The following ADD2 variants were observed in gnomAD, a reference collection of about 807,000 sequenced individuals.
ADD2 encodes the protein beta-adducin.
Under a neutral mutation model 83.0 loss-of-function variants are expected in ADD2, and 23 were observed. The ratio of observed to expected loss-of-function variants is 0.28; its 90% CI spans 0.20 to 0.39. The LOEUF is 0.39. Ranked by LOEUF, ADD2 falls within the 10% of genes least tolerant of loss-of-function variation. The pLI, the probability that ADD2 is intolerant of heterozygous loss-of-function variation, is 1.00. For missense variants in ADD2, 758 were observed against 944.9 expected (o/e 0.80, Z 2.59); for synonymous variants, 375 against 375.4 (o/e 1.00, Z 0.01).
rs1375300166 is a variant in ADD2, at chr2:70,704,578, G to T, written c.184-119C>A. The T allele has an allele frequency of 4.1e-6, 5 of 1,225,256 alleles. No individual in the cohort carries two copies. In the East Asian group the frequency reaches 1.2e-4, roughly 30 times the overall value. 75.9% of individuals were successfully genotyped at this position (1,225,256 alleles called of 1,614,324 possible). ...TCAGCTAGGTCAGGGCCATGCTCAG[G>T]GTCCCCAGCTACAGGGGACACTGAG... On this transcript the variant is annotated intron_variant, in intron 3 of 15. Transcript: ENST00000264436.
rs1172325402 is a variant in ADD2, at chr2:70,658,799, T to G, written c.*4626A>C. 1.7e-4 allele frequency: 26 copies of G among 152,160 alleles called. No individual in the cohort carries two copies. Among genetic ancestry groups the G allele is most frequent in the African/African-American group, 5.1e-4 (21 of 41,430 alleles). The allele number at this position is 152,160 out of a possible 1,614,324, so 9.4% of individuals were successfully genotyped here. On this transcript the variant is annotated 3_prime_UTR_variant, in exon 16 of 16. Transcript: ENST00000264436. ...AAATGTTCTCTCATTTGTTCACTAG[T>G]CAAGAACTGATTACCCTTGTCCCAA...
chr2:70,691,055 G>GGGT, intron 7 of ADD2, 126 bp from the exon 8 acceptor site: 3 of 1,202,628 alleles, frequency 2.5e-6, no homozygotes, highest in Non-Finnish European at 3.3e-6. Flanking sequence ...GTGAGGTTGG[G>GGGT]GAGCAGGCAC....
At chr2:70,686,561 G>A (rs1670735772) in intron 9 of ADD2, among the ~76,000 whole-genome samples, 1 of 152,164 alleles carries the variant, frequency 6.6e-6, no homozygotes, top group Non-Finnish European at 1.5e-5. Context: ...AGCTGTCTTT[G>A]CAGAGATGAT....
intron 1 of ADD2, chr2:70,767,468 C>T (rs570562504): frequency 3.7e-6 from 1 of 267,352 alleles, no homozygotes; most frequent in Non-Finnish European, 5.9e-6. Context: ...CGCCTCGCAC[C>T]GCTACCCCGG....
At chr2:70,668,424 G>A (rs1166724319) in intron 15 of ADD2, among the ~76,000 whole-genome samples, 4 of 152,214 alleles carry the variant, frequency 2.6e-5, no homozygotes, top group African/African-American at 9.6e-5. Flanking sequence ...ATTGGACAAT[G>A]AGCTCGCCTT....
In ADD2 at chr2:70,683,648, C is replaced by A; in HGVS notation, c.1068G>T (p.Gln356His). Residue 356 changes from glutamine to histidine, a missense_variant, in exon 10 of 16, where the codon CAG (glutamine) becomes CAT (histidine). This residue lies in a region of ADD2 where 394 missense variants were observed against 509.3 expected (regional missense o/e 0.77). Transcript: ENST00000264436. ...ACTCATGCTCCCCCAGCCGACTCTT[C>A]TGCATAGGCCCAAAGGTGCTCCCGG... ...QWAGSTFGPM[Q>H]KSRLGEHEFE... is the part of the protein sequence containing the mutation. The A allele has an allele frequency of 1.2e-6, 2 of 1,614,130 alleles. No individual in the cohort carries two copies. Among genetic ancestry groups the A allele is most frequent in the Non-Finnish European group, 1.7e-6 (2 of 1,179,980 alleles).
At chr2:70,756,872 A>C (rs971773904) in intron 1 of ADD2, among the ~76,000 whole-genome samples, 1 of 152,204 alleles carries the variant, frequency 6.6e-6, no homozygotes, top group Non-Finnish European at 1.5e-5. Context: ...CTTGTTGCCC[A>C]GGCTGGAGTG....
chr2:70,756,956 G>A (rs1373792267), intron 1 of ADD2, among the ~76,000 whole-genome samples: 1 of 152,070 alleles, frequency 6.6e-6, no homozygotes, highest in Admixed American at 6.6e-5. Flanking sequence ...AGCCTCCCAA[G>A]CAGCTGGGAT....
intron 11 of ADD2, 44 bp downstream of exon 11, chr2:70,678,660 A>G: frequency 1.3e-6 from 2 of 1,511,420 alleles, no homozygotes; most frequent in Non-Finnish European, 1.8e-6. Context: ...CTGCTAATGC[A>G]GCCTGCCCCT....
intron 4 of ADD2, among the ~76,000 whole-genome samples, chr2:70,698,745 A>C (rs1671433806): frequency 6.6e-6 from 1 of 152,192 alleles, no homozygotes; most frequent in Non-Finnish European, 1.5e-5. Context: ...AGTTTTTAAA[A>C]GCTTATTCTA....
At chr2:70,678,495 C>T (rs1484125617) in intron 11 of ADD2, among the ~76,000 whole-genome samples, 1 of 152,168 alleles carries the variant, frequency 6.6e-6, no homozygotes, top group Non-Finnish European at 1.5e-5. Flanking sequence ...GCTCCTTAGA[C>T]CCAAAAACTC....
At position 70,676,586 on chromosome 2, in the gene ADD2, G is replaced by C. The variant is rs141640910; in HGVS notation, c.1593+210C>G. The C allele has an allele frequency of 2.2e-4, 320 of 1,427,612 alleles. No individual in the cohort carries two copies. The East Asian group carries it at 6.3e-3, about 28-fold the overall frequency. The allele number at this position is 1,427,612 out of a possible 1,614,324, so 88.4% of individuals were successfully genotyped here. ...GGCTGGGCTGCTGTTCTCCAGCCCA[G>C]TGCCCACAGGGGCCATCAGACATTG... On this transcript the variant is annotated intron_variant, in intron 13 of 15. Coordinates refer to ENST00000264436, the MANE Select transcript of ADD2 (RefSeq NM_001617.4). This position sits in a 1 kb window ranked among gnomAD's most constrained non-coding sequence, Gnocchi z 4.8.
intron 7 of ADD2, chr2:70,691,484 C>T (rs1671032045): frequency 6.6e-6 from 1 of 152,182 alleles, no homozygotes. Flanking sequence ...AATCTCTTGC[C>T]CCTGGAACTA....
intron 7 of ADD2, chr2:70,691,923 TG>T (rs1553371722): frequency 6.5e-6 from 1 of 152,732 alleles, no homozygotes; most frequent in African/African-American, 2.4e-5. Context: ...TAGGTACACA[TG>T]GAGAAATGAT....
intron 10 of ADD2, among the ~76,000 whole-genome samples, chr2:70,683,163 A>G (rs1670545729): frequency 6.6e-6 from 1 of 151,712 alleles, no homozygotes; most frequent in African/African-American, 2.4e-5. Context: ...AGCTGGGACT[A>G]CAGGTATGTG....
intron 1 of ADD2, among the ~76,000 whole-genome samples, chr2:70,763,636 C>A (rs1459741270): frequency 1.3e-5 from 2 of 151,904 alleles, no homozygotes; most frequent in Non-Finnish European, 1.5e-5. Context: ...ATACAACTAT[C>A]CACTTTAAAA....
rs73936996 is a variant in ADD2, at chr2:70,671,323, C to T, written c.1870+1555G>A. Among the ~76,000 whole-genome samples the T allele has an allele frequency of 9.4e-3, 1,434 of 152,118 alleles. 22 individuals carry two copies. The highest frequency in any genetic ancestry group is 0.031 in the African/African-American group (1,287 of 41,490). On this transcript the variant is annotated intron_variant, in intron 15 of 15. Transcript: ENST00000264436. ...GCTTGTTGCTTCTGGGCGTGTGTGC[C>T]TGTGTGTTTGTGTATGTGTGTGGCC...
chr2:70,685,450 C>T (rs537102139), intron 9 of ADD2, among the ~76,000 whole-genome samples: 6 of 152,136 alleles, frequency 3.9e-5, no homozygotes, highest in African/African-American at 1.2e-4. Flanking sequence ...ACAGACTTCT[C>T]CCACTGCCCC....
rs139139999 is a variant in ADD2, at chr2:70,745,768, A to G, written c.-154+22118T>C. 7.6e-3 allele frequency among the ~76,000 whole-genome samples: 1,153 copies of G among 152,336 alleles called. 24 individuals are homozygous for G. Among genetic ancestry groups the G allele is most frequent in the African/African-American group, 0.026 (1,098 of 41,580 alleles). On this transcript the variant is annotated intron_variant, in intron 1 of 15. Transcript: ENST00000264436. The stretch of plus-strand genomic sequence containing the variant: ...CACCATCTTTATGATTAATGAGTTT[A>G]TATACTCAGGGACATATGTGAGGTG...
Sources: gnomAD v4.1 joint callset for allele counts (sites outside exome capture counted in the v4.1 genomes callset) on GRCh38, gnomAD v4.1.1 for gene constraint, gnomAD v4.1.1 regional missense constraint, Gnocchi (gnomAD v3.1) non-coding constraint, MANE v1.5 for transcripts, NCBI Gene and HGNC (gene_info 2026-07-23, HGNC 2026-07-21) for gene names.